SLC28A3: variants seen among roughly 807,000 people sequenced by gnomAD.
SLC28A3 encodes the protein concentrative Na(+)-nucleoside cotransporter 3.
Under a neutral mutation model 84.2 loss-of-function variants are expected in SLC28A3, and 68 were observed. The observed-to-expected ratio is 0.81, with a 90% CI of 0.66 to 0.99. SLC28A3 has a LOEUF of 0.99. Among genes scored for constraint, SLC28A3 ranks in the 50% least tolerant of loss-of-function variants. SLC28A3 has a pLI of 0.00. For missense variants in SLC28A3, 712 were observed against 841.5 expected (o/e 0.85, Z 1.90); for synonymous variants, 267 against 303.6 (o/e 0.88, Z 1.25).
At chr9:84,311,486 T>C (rs1360767322) in intron 2 of SLC28A3, among the ~76,000 whole-genome samples, 2 of 151,628 alleles carry the variant, frequency 1.3e-5, no homozygotes, top group Non-Finnish European at 2.9e-5. Context: ...GTACATTCTA[T>C]GGGTTTGGAC....
At chr9:84,293,655 G>A (rs1003284939) in intron 9 of SLC28A3, among the ~76,000 whole-genome samples, 35 of 152,152 alleles carry the variant, frequency 2.3e-4, no homozygotes, top group Admixed American at 1.3e-4. Context: ...GCAGCAGGAA[G>A]GACATGAACT....
At chr9:84,285,832 C>T (rs1198263778) in intron 13 of SLC28A3, 111 bp downstream of exon 13, 61 of 1,258,620 alleles carry the variant, frequency 4.8e-5, no homozygotes, top group East Asian at 1.5e-4. Flanking sequence ...GAAGCTTCTA[C>T]GGTGTGGAAG....
rs12337698 is a variant in SLC28A3 at position 84,327,793 on chromosome 9, C to T, written c.60+12781G>A. Among the ~76,000 whole-genome samples, 686 of 152,000 alleles carry T rather than the reference C, an allele frequency of 4.5e-3. 5 individuals are homozygous for T. Among genetic ancestry groups the T allele is most frequent in the African/African-American group, 0.016 (666 of 41,452 alleles). ...ATTAGCCGAGCATGGTGGCTTGCACCTGTAATCCCAGCTACTAGGGAGGCT... is the reference window on the plus strand; with the variant it reads ...ATTAGCCGAGCATGGTGGCTTGCACTTGTAATCCCAGCTACTAGGGAGGCT... On this transcript the variant is annotated intron_variant, in intron 1 of 17. Coordinates refer to ENST00000376238, the MANE Select transcript of SLC28A3 (RefSeq NM_001199633.2).
At chr9:84,340,830 G>C (rs547698549), upstream of SLC28A3, 292 of 589,266 alleles carry the variant, frequency 5.0e-4, no homozygotes, top group African/African-American at 5.0e-3. Context: ...GAGGCGGGCG[G>C]GTTGGCGGGG....
chr9:84,333,741 C>G (rs1447325201), intron 1 of SLC28A3, among the ~76,000 whole-genome samples: 1 of 152,176 alleles, frequency 6.6e-6, no homozygotes, highest in Non-Finnish European at 1.5e-5. Context: ...CTGACACTAT[C>G]AGCAAAGTTG....
In SLC28A3 at chr9:84,295,586, A is replaced by AAAACAAACAAACAAAC. The variant is rs57475975; in HGVS notation, c.862-1327_862-1312dup. ...TGGCAGAGCAAGAGTCCATCTCACA[A>AAAACAAACAAACAAAC]AAACAAACAAACAAACAAACAAAAC... On this transcript the variant is annotated intron_variant, in intron 8 of 17. Transcript: ENST00000376238. Among the ~76,000 whole-genome samples the AAAACAAACAAACAAAC allele has an allele frequency of 7.2e-5, 11 of 151,726 alleles. 1 individual carries two copies. Among genetic ancestry groups the AAAACAAACAAACAAAC allele is most frequent in the African/African-American group, 2.7e-4 (11 of 41,126 alleles).
chr9:84,345,561 G>GACAAAATTTGAAAAGAATGCA (rs1295385877), upstream of SLC28A3, among the ~76,000 whole-genome samples: 1 of 152,154 alleles, frequency 6.6e-6, no homozygotes, highest in Non-Finnish European at 1.5e-5. Flanking sequence ...CTTGGCTGCA[G>GACAAAATTTGAAAAGAATGCA]ACAAAATTTG....
chr9:84,280,178 T>G (rs1057197841), intron 15 of SLC28A3, 105 bp from the exon 16 acceptor site: 2 of 960,916 alleles, frequency 2.1e-6, no homozygotes, highest in African/African-American at 1.7e-5. Context: ...AGCTGACTTT[T>G]TTTTTTTTTT....
intron 1 of SLC28A3, among the ~76,000 whole-genome samples, chr9:84,327,388 C>T (rs1826605562): frequency 6.7e-6 from 1 of 148,710 alleles, no homozygotes; most frequent in South Asian, 2.1e-4. Flanking sequence ...AGACTTGCAG[C>T]AATCCAGAGA....
At chr9:84,320,890 G>T (rs539726976) in intron 1 of SLC28A3, among the ~76,000 whole-genome samples, 8 of 151,546 alleles carry the variant, frequency 5.3e-5, no homozygotes, top group African/African-American at 1.9e-4. Context: ...TGCTTGAACC[G>T]GGGAGGCAGA....
At chr9:84,287,960 G>T in intron 12 of SLC28A3, 88 bp downstream of exon 12, 2 of 1,536,472 alleles carry the variant, frequency 1.3e-6, no homozygotes, top group Non-Finnish European at 8.9e-7. Flanking sequence ...TGTGCTTTCC[G>T]GTTATCAAAT....
At chr9:84,356,070 C>T in the SLC28A3 span, among the ~76,000 whole-genome samples, 46 of 152,154 alleles carry the variant, frequency 3.0e-4, no homozygotes, top group African/African-American at 9.9e-4. Context: ...CCGACTGCCT[C>T]AGCCTCCCAA....
chr9:84,352,908 A>T, the SLC28A3 span, among the ~76,000 whole-genome samples: 1 of 151,300 alleles, frequency 6.6e-6, no homozygotes, highest in Non-Finnish European at 1.5e-5. Context: ...AAAAAAAAAA[A>T]AAAAAAACCT....
At chr9:84,285,698 A>G (rs7853066) in intron 13 of SLC28A3, among the ~76,000 whole-genome samples, 156 bp from the exon 14 acceptor site, 27,427 of 152,058 alleles carry the variant, frequency 0.18, 3,009 homozygotes, top group African/African-American at 0.31. Flanking sequence ...TCAGGGCTAG[A>G]AATCGGTCAT....
At chr9:84,351,972 A>C in the SLC28A3 span, among the ~76,000 whole-genome samples, 1 of 152,094 alleles carries the variant, frequency 6.6e-6, no homozygotes, top group East Asian at 1.9e-4. Flanking sequence ...CTGTAATGAG[A>C]GTTTTTTGCA....
chr9:84,279,990 T>C lies in SLC28A3; in HGVS notation c.1813A>G (p.Thr605Ala). The part of the protein sequence containing the change: ...LIAGTVACFM[T>A]ACIAGILSST... ...GGTGCGGTACCTGCGATGCAGGCTGTCATGAAGCAGGCCACGGTCCCCGCA... is the reference window on the plus strand; with the variant it reads ...GGTGCGGTACCTGCGATGCAGGCTGCCATGAAGCAGGCCACGGTCCCCGCA... Residue 605 changes from threonine (T) to alanine (A), a missense_variant, in exon 16 of 18, where the codon ACA (threonine) becomes GCA (alanine). Thr to Ala is a moderately conservative substitution (Grantham distance 58). Transcript: ENST00000376238. 1 of 1,613,938 alleles carries C rather than the reference T, an allele frequency of 6.2e-7. No homozygotes were observed. Among genetic ancestry groups the C allele is most frequent in the Non-Finnish European group, 8.5e-7 (1 of 1,180,008 alleles).
rs1379068852 is a variant in SLC28A3 at position 84,276,910 on chromosome 9, G to A, written c.*1308C>T. The A allele has an allele frequency of 6.6e-6, 1 of 152,206 alleles. No homozygotes were observed. The highest frequency in any genetic ancestry group is 1.5e-5 in the Non-Finnish European group (1 of 68,040). The allele number at this position is 152,206 out of a possible 1,614,324, so 9.4% of individuals were successfully genotyped here. A position where few individuals can be genotyped will look rare whatever the true frequency, so the allele number is the denominator to read the frequency against. On this transcript the variant is annotated 3_prime_UTR_variant, in exon 18 of 18. Transcript: ENST00000376238. ...TCTGTTTCTTGACTTGGTAATTGAT[G>A]TTTGTGTTTTCTCACAGCATGTGGT...
rs1156304062 is a variant in SLC28A3 at position 84,276,922 on chromosome 9, T to A, written c.*1296A>T. ...CTTGGTAATTGATGTTTGTGTTTTC[T>A]CACAGCATGTGGTCTTCATGCTATT... On this transcript the variant is annotated 3_prime_UTR_variant, in exon 18 of 18. Coordinates refer to ENST00000376238, the MANE Select transcript of SLC28A3 (RefSeq NM_001199633.2). 6.6e-6 allele frequency: 1 copy of A among 152,266 alleles called. No individual in the cohort carries two copies. The highest frequency in any genetic ancestry group is 1.5e-5 in the Non-Finnish European group (1 of 68,048). The allele number at this position is 152,266 out of a possible 1,614,324, so 9.4% of individuals were successfully genotyped here.
Position 84,302,040 on chromosome 9 carries a change from C to G in SLC28A3, c.524+160G>C, listed in dbSNP as rs145169522. 2.2e-3 allele frequency among the ~76,000 whole-genome samples: 334 copies of G among 152,274 alleles called. 3 individuals are homozygous for G. Among genetic ancestry groups the G allele is most frequent in the African/African-American group, 7.8e-3 (323 of 41,548 alleles). ...ATTGCCTCATCTAGGCTTTGATTTCCTGTTTGTAAAATGAAGACATTGTAA... is the reference window on the plus strand; with the variant it reads ...ATTGCCTCATCTAGGCTTTGATTTCGTGTTTGTAAAATGAAGACATTGTAA... On this transcript the variant is annotated intron_variant, in intron 5 of 17. Transcript: ENST00000376238.
Sources: gnomAD v4.1 joint callset for allele counts (sites outside exome capture counted in the v4.1 genomes callset) on GRCh38, gnomAD v4.1.1 for gene constraint, MANE v1.5 for transcripts, NCBI Gene and HGNC (gene_info 2026-07-23, HGNC 2026-07-21) for gene names.